Variants in TACC2 observed in about 807,000 individuals in gnomAD.
The protein encoded by TACC2 is transforming acidic coiled-coil containing protein 2.
Under a neutral mutation model 227.3 loss-of-function variants are expected in TACC2, and 137 were observed. The observed-to-expected ratio is 0.60, with a 90% CI of 0.52 to 0.69. The LOEUF (loss-of-function observed/expected upper bound fraction) is 0.69. TACC2 is among the 30% of genes least tolerant of loss of function. The probability of loss-of-function intolerance (pLI) is 0.00; values close to 1 mark genes in which losing one functional copy is unlikely to be tolerated. For synonymous variants in TACC2, 1,523 were observed against 1,487.5 expected (o/e 1.02, Z -0.55); for missense variants, 3,470 against 3,694.4 (o/e 0.94, Z 1.57).
At chr10:122,202,116 A>G (rs1306396164) in intron 8 of TACC2, among the ~76,000 whole-genome samples, 1 of 144,996 alleles carries the variant, frequency 6.9e-6, no homozygotes, top group African/African-American at 2.6e-5. Flanking sequence ...TTTCCCATCT[A>G]TAAGCTTTTG....
At chr10:122,017,066 G>A (rs1956739332) in intron 1 of TACC2, among the ~76,000 whole-genome samples, 1 of 127,986 alleles carries the variant, frequency 7.8e-6, no homozygotes, top group Non-Finnish European at 1.7e-5. Flanking sequence ...CCAGCCTCCA[G>A]GAAGATGAGA....
At chr10:122,192,618 AG>A in intron 7 of TACC2, 1 of 445,818 alleles carries the variant, frequency 2.2e-6, no homozygotes, top group South Asian at 1.6e-5. Context: ...TAGGTCCAAG[AG>A]ATACGAGCAG....
intron 3 of TACC2, among the ~76,000 whole-genome samples, chr10:122,070,997 A>C (rs1366819528): frequency 3.3e-5 from 5 of 152,192 alleles, no homozygotes; most frequent in Non-Finnish European, 5.9e-5. Context: ...TGGTGTCAAA[A>C]TAACATAAAA....
chr10:122,017,901 AAC>A lies in TACC2; in HGVS notation c.-45-4034_-45-4033del, dbSNP rs112972941. Among the ~76,000 whole-genome samples, 21 of 151,138 alleles carry A rather than the reference AAC, an allele frequency of 1.4e-4. 2 individuals carry two copies. The highest frequency in any genetic ancestry group is 4.8e-4 in the African/African-American group (20 of 41,320). On this transcript the variant is annotated intron_variant, in intron 1 of 22. Coordinates refer to ENST00000369005, the MANE Select transcript of TACC2 (RefSeq NM_206862.4). The stretch of plus-strand genomic sequence containing the variant: ...TGGTTTTTTTGAGGGGGAAGAGGCA[AAC>A]AGTCTTGTCTCTCATCCCTCCAAAC...
At chr10:122,185,854 T>G (rs1342144768) in intron 7 of TACC2, among the ~76,000 whole-genome samples, 1 of 152,230 alleles carries the variant, frequency 6.6e-6, no homozygotes, top group Non-Finnish European at 1.5e-5. Flanking sequence ...AATGACAACT[T>G]GTTGAAAGCT....
chr10:122,226,514 ATGC>A, intron 13 of TACC2, 33 bp downstream of exon 13: 3 of 1,470,784 alleles, frequency 2.0e-6, no homozygotes, highest in Non-Finnish European at 2.8e-6. Context: ...GTTACACATC[ATGC>A]TGGATGTTCT....
intron 7 of TACC2, chr10:122,163,389 C>G (rs977083360): frequency 5.1e-6 from 1 of 195,466 alleles, no homozygotes; most frequent in Non-Finnish European, 9.3e-6. Flanking sequence ...CCCCAGCTCC[C>G]GGGCCGCGGC....
At chr10:122,014,970 T>C (rs990695379) in intron 1 of TACC2, among the ~76,000 whole-genome samples, 1 of 152,144 alleles carries the variant, frequency 6.6e-6, no homozygotes, top group African/African-American at 2.4e-5. Context: ...ATCTTTGAAT[T>C]CTTTGCAAAA....
At position 122,086,207 on chromosome 10, in the gene TACC2, C is replaced by T; in HGVS notation, c.3707C>T (p.Pro1236Leu). The T allele has an allele frequency of 6.2e-7, 1 of 1,613,798 alleles. No individual in the cohort carries two copies. Among genetic ancestry groups the T allele is most frequent in the Non-Finnish European group, 8.5e-7 (1 of 1,180,018 alleles). ...CCAGAAGTGGCTGCTCCTGACACCC[C>T]TTACCTGCATGTCGACAGTGCTGCC... Reference protein sequence around the residue: ...GPPEVAAPDTPYLHVDSAAQR... With the variant: ...GPPEVAAPDTLYLHVDSAAQR... The change falls in exon 4 of 23, where the codon CCT becomes CTT. Residue 1236 changes from proline to leucine, a missense_variant. Physicochemically the swap from Pro to Leu is moderately conservative, Grantham distance 98. Transcript: ENST00000369005.
intron 7 of TACC2, among the ~76,000 whole-genome samples, chr10:122,181,655 C>T (rs1212319762): frequency 6.6e-6 from 1 of 152,202 alleles, no homozygotes; most frequent in African/African-American, 2.4e-5. Context: ...GTGCTGTTTT[C>T]TCCTACAAGA....
chr10:122,226,523 GT>G, intron 13 of TACC2, 42 bp downstream of exon 13: 1 of 1,425,558 alleles, frequency 7.0e-7, no homozygotes, highest in Non-Finnish European at 9.8e-7. Context: ...CATGCTGGAT[GT>G]TCTAAAGCCT....
rs79548196 is a variant in TACC2, at chr10:122,040,750, A to G, written c.34-9688A>G. On this transcript the variant is annotated intron_variant, in intron 2 of 22. Coordinates refer to ENST00000369005, the MANE Select transcript of TACC2 (RefSeq NM_206862.4). ...TCTGGGTGTTTCTGTAACAAGTCCC[A>G]AAAAACATAATTTTCAACTCTAGAA... is the stretch of plus-strand genomic sequence containing the variant. 4.7e-4 allele frequency among the ~76,000 whole-genome samples: 72 copies of G among 152,308 alleles called. No homozygotes were observed. In the East Asian group the frequency reaches 0.012, roughly 26 times the overall value.
intron 3 of TACC2, among the ~76,000 whole-genome samples, chr10:122,062,409 T>C (rs1252628024): frequency 6.6e-6 from 1 of 151,478 alleles, no homozygotes; most frequent in Non-Finnish European, 1.5e-5. Context: ...CGGGTTCAAG[T>C]GATTCTGCCT....
chr10:122,193,996 C>T (rs2094489908), intron 7 of TACC2, among the ~76,000 whole-genome samples: 1 of 152,218 alleles, frequency 6.6e-6, no homozygotes, highest in African/African-American at 2.4e-5. Context: ...TAGCTCACTG[C>T]AGCCTCAAAC....
intron 7 of TACC2, among the ~76,000 whole-genome samples, chr10:122,187,013 T>G (rs1183051485): frequency 6.6e-6 from 1 of 152,202 alleles, no homozygotes; most frequent in East Asian, 1.9e-4. Flanking sequence ...GGTGAAATCA[T>G]GAGCCCAGGG....
rs745462880 is a variant in TACC2, at chr10:122,070,817, C to T, written c.147-11830C>T. Among the ~76,000 whole-genome samples the T allele has an allele frequency of 4.1e-5, 6 of 148,034 alleles. No homozygotes were observed. The East Asian group carries it at 8.0e-4, about 20-fold the overall frequency. On this transcript the variant is annotated intron_variant, in intron 3 of 22. Transcript: ENST00000369005. ...ATGCATGCCTGTAGCCCCAGCTACT[C>T]GGGAGGCTGAGGTGGGAGAATCACT... is the stretch of plus-strand genomic sequence containing the variant.
chr10:122,020,211 A>G (rs1957165160), intron 1 of TACC2, among the ~76,000 whole-genome samples: 1 of 152,210 alleles, frequency 6.6e-6, no homozygotes, highest in Non-Finnish European at 1.5e-5. Context: ...CTAACACTCA[A>G]TATTTTCTAA....
At chr10:122,037,668 C>A (rs1324890953) in intron 2 of TACC2, among the ~76,000 whole-genome samples, 1 of 152,252 alleles carries the variant, frequency 6.6e-6, no homozygotes, top group Non-Finnish European at 1.5e-5. Flanking sequence ...GCAGGGGCTG[C>A]AGTCCCTCAT....
intron 8 of TACC2, among the ~76,000 whole-genome samples, chr10:122,200,147 TG>T (rs1164027581): frequency 6.6e-6 from 1 of 152,224 alleles, no homozygotes; most frequent in African/African-American, 2.4e-5. Flanking sequence ...GAGTGTTTCA[TG>T]GGCCCAGGAC....
Sources: allele counts gnomAD v4.1 joint callset (sites outside exome capture counted in the v4.1 genomes callset), GRCh38; gene constraint gnomAD v4.1.1; transcripts MANE v1.5; gene names NCBI Gene and HGNC (gene_info 2026-07-23, HGNC 2026-07-21).